The following SLC25A13 variants were observed in gnomAD, a reference collection of about 807,000 sequenced individuals.
SLC25A13 encodes solute carrier family 25 member 13, also known as electrogenic aspartate/glutamate antiporter SLC25A13, mitochondrial.
Under a neutral mutation model 85.5 loss-of-function variants are expected in SLC25A13, and 70 were observed. The observed-to-expected ratio is 0.82, with a 90% CI of 0.68 to 1.00. The LOEUF (loss-of-function observed/expected upper bound fraction) is 1.00, where lower values mean the gene tolerates loss of function less well. Among genes scored for constraint, SLC25A13 ranks in the 50% least tolerant of loss-of-function variants. The probability of loss-of-function intolerance (pLI) is 0.00; values close to 1 mark genes in which losing one functional copy is unlikely to be tolerated. For synonymous variants in SLC25A13, 259 were observed against 288.7 expected (o/e 0.90, Z 1.04); for missense variants, 765 against 819.8 (o/e 0.93, Z 0.82).
chr7:96,236,503 C>T (rs114710832), intron 3 of SLC25A13, among the ~76,000 whole-genome samples: 1,718 of 152,274 alleles, frequency 0.011, 27 homozygotes, highest in African/African-American at 0.039. Flanking sequence ...ATTATTCTGC[C>T]TGGAAGAGTT....
intron 11 of SLC25A13, 147 bp from the exon 12 acceptor site, chr7:96,171,671 T>C (rs1794009645): frequency 1.4e-6 from 1 of 714,232 alleles, no homozygotes. Flanking sequence ...ATATTTGAAA[T>C]GGAATGTTTA....
At chr7:96,184,822 G>C in intron 10 of SLC25A13, 105 bp downstream of exon 10, 1 of 1,005,390 alleles carries the variant, frequency 9.9e-7, no homozygotes, top group South Asian at 1.3e-5. Context: ...CTGGCATTGG[G>C]AAAGACTAGA....
chr7:96,258,937 C>T (rs1797743634), intron 3 of SLC25A13, among the ~76,000 whole-genome samples: 1 of 152,132 alleles, frequency 6.6e-6, no homozygotes, highest in Non-Finnish European at 1.5e-5. Flanking sequence ...TGATCTTTGA[C>T]AAACCTGACA....
chr7:96,121,628 T>A (rs762063073), intron 17 of SLC25A13, 27 bp downstream of exon 17: 1 of 1,611,294 alleles, frequency 6.2e-7, no homozygotes, highest in Non-Finnish European at 8.5e-7. Context: ...AGCCAAAATT[T>A]AGCAGCAGAT....
chr7:96,206,204 T>C (rs1468302385), intron 5 of SLC25A13, among the ~76,000 whole-genome samples: 13 of 152,186 alleles, frequency 8.5e-5, no homozygotes. Context: ...GGCAGCTTGT[T>C]CACATTTCAA....
intron 3 of SLC25A13, among the ~76,000 whole-genome samples, chr7:96,238,700 G>A (rs367905569): frequency 2.7e-4 from 41 of 151,948 alleles, no homozygotes; most frequent in African/African-American, 8.7e-4. Flanking sequence ...CAGTCGCCAC[G>A]CCTCCTCACA....
chr7:96,211,789 C>T (rs1221054529), intron 4 of SLC25A13, among the ~76,000 whole-genome samples: 3 of 152,188 alleles, frequency 2.0e-5, no homozygotes, highest in Admixed American at 6.5e-5. Context: ...AGTCATTTCT[C>T]ACCACTTCAG....
Position 96,134,793 on chromosome 7 carries a change from TTATA to T in SLC25A13, c.1453-2916_1453-2913del, listed in dbSNP as rs10522412. 1.0e-3 allele frequency among the ~76,000 whole-genome samples: 107 copies of T among 102,210 alleles called. 9 individuals are homozygous for T. The highest frequency in any genetic ancestry group is 7.9e-4 in the South Asian group (2 of 2,538). 67.1% of individuals were successfully genotyped at this position (102,210 alleles called of 152,430 possible). A position where few individuals can be genotyped will look rare whatever the true frequency, so the allele number is the denominator to read the frequency against. ...TTAAAAACCAAACATACAAACAATT[TTATA>T]TATATATATATATATAACCCTGAGG... On this transcript the variant is annotated intron_variant, in intron 14 of 17. Coordinates refer to ENST00000265631, the MANE Select transcript of SLC25A13 (RefSeq NM_014251.3).
At chr7:96,169,764 G>GTTT (rs1793922756) in intron 13 of SLC25A13, 2 of 463,794 alleles carry the variant, frequency 4.3e-6, no homozygotes, top group Non-Finnish European at 7.7e-6. Context: ...ATTTTTCAAA[G>GTTT]GCCAAACACT....
chr7:96,240,986 G>GAGGGC (rs1796952347), intron 3 of SLC25A13, among the ~76,000 whole-genome samples: 2 of 90,128 alleles, frequency 2.2e-5, no homozygotes, highest in African/African-American at 4.3e-5. Context: ...GAGGAGAGGG[G>GAGGGC]AGGGGAGGGG....
chr7:96,253,525 G>GT (rs1296324079), intron 3 of SLC25A13, among the ~76,000 whole-genome samples: 2 of 152,144 alleles, frequency 1.3e-5, no homozygotes, highest in East Asian at 1.9e-4. Context: ...AGTAAAATGT[G>GT]TTTTTTTGAC....
intron 15 of SLC25A13, among the ~76,000 whole-genome samples, chr7:96,123,008 C>T (rs1791577359): frequency 6.6e-6 from 1 of 152,152 alleles, no homozygotes; most frequent in African/African-American, 2.4e-5. Context: ...TTTCATCCTT[C>T]TAACAGACAG....
chr7:96,190,475 T>C (rs1251683016), intron 7 of SLC25A13, among the ~76,000 whole-genome samples: 4 of 152,128 alleles, frequency 2.6e-5, no homozygotes, highest in Non-Finnish European at 5.9e-5. Flanking sequence ...CCAATGCAAC[T>C]TTATGGAATT....
chr7:96,220,264 A>T lies in SLC25A13; in HGVS notation c.329-11287T>A, dbSNP rs536838594. ...AAGCTAGTTTCCTTAGACGGATATT[A>T]TCGAAAATTTTCTTGCAAAAGCATT... On this transcript the variant is annotated intron_variant, in intron 4 of 17. Transcript: ENST00000265631. 2.0e-5 allele frequency among the ~76,000 whole-genome samples: 3 copies of T among 152,360 alleles called. No homozygotes were observed. In the South Asian group the frequency reaches 6.2e-4, roughly 32 times the overall value.
At chr7:96,163,067 T>C (rs752201323) in intron 13 of SLC25A13, among the ~76,000 whole-genome samples, 1 of 152,192 alleles carries the variant, frequency 6.6e-6, no homozygotes, top group Non-Finnish European at 1.5e-5. Context: ...CACAGCTTAC[T>C]GAATCCTCCA....
At chr7:96,301,088 T>A (rs1380907081) in intron 1 of SLC25A13, among the ~76,000 whole-genome samples, 1 of 152,208 alleles carries the variant, frequency 6.6e-6, no homozygotes, top group African/African-American at 2.4e-5. Context: ...CCCAGGAAGT[T>A]CTATGAGCTG....
chr7:96,167,594 G>A (rs919670657), intron 13 of SLC25A13, among the ~76,000 whole-genome samples: 1 of 152,204 alleles, frequency 6.6e-6, no homozygotes, highest in South Asian at 2.1e-4. Flanking sequence ...AGCAAGGTGA[G>A]CTCCCCAGGG....
Position 96,266,242 on chromosome 7 carries a change from A to G in SLC25A13, c.212+10954T>C, listed in dbSNP as rs112868833. On this transcript the variant is annotated intron_variant, in intron 3 of 17. Transcript: ENST00000265631. ...TTCTGAAAAGTTCTCAGGGACTTCC[A>G]GGAGTCCACTGGCTACACTTTGAGG... Among the ~76,000 whole-genome samples, 487 of 152,326 alleles carry G rather than the reference A, an allele frequency of 3.2e-3. 2 individuals carry two copies. Among genetic ancestry groups the G allele is most frequent in the African/African-American group, 0.011 (455 of 41,574 alleles).
At chr7:96,262,454 A>G (rs1410584588) in intron 3 of SLC25A13, among the ~76,000 whole-genome samples, 2 of 152,278 alleles carry the variant, frequency 1.3e-5, no homozygotes, top group East Asian at 1.9e-4. Flanking sequence ...ATGATACGCA[A>G]TGGTAACTCA....
Sources: gnomAD v4.1 joint callset for allele counts (sites outside exome capture counted in the v4.1 genomes callset) on GRCh38, gnomAD v4.1.1 for gene constraint, MANE v1.5 for transcripts, NCBI Gene and HGNC (gene_info 2026-07-23, HGNC 2026-07-21) for gene names.